PPP2R5E: variants seen among roughly 807,000 people sequenced by gnomAD.
The protein encoded by PPP2R5E is protein phosphatase 2 regulatory subunit B'epsilon, also known as serine/threonine-protein phosphatase 2A 56 kDa regulatory subunit epsilon isoform.
Under a neutral mutation model 65.3 loss-of-function variants are expected in PPP2R5E, and 4 were observed. That is an observed-to-expected ratio of 0.06 (90% CI 0.03 to 0.14). PPP2R5E has a LOEUF of 0.14. Ranked by LOEUF, PPP2R5E falls within the 10% of genes least tolerant of loss-of-function variation. The pLI is 1.00. For synonymous variants in PPP2R5E, 183 were observed against 187.4 expected (o/e 0.98, Z 0.19); for missense variants, 274 against 556.1 (o/e 0.49, Z 5.10).
chr14:63,484,388 A>ACACACACACACAC (rs1566736534), intron 2 of PPP2R5E, among the ~76,000 whole-genome samples: 6 of 124,522 alleles, frequency 4.8e-5, no homozygotes, highest in African/African-American at 1.8e-4. Flanking sequence ...CACACACACA[A>ACACACACACACAC]AGAATCGTAT....
chr14:63,396,166 T>G (rs1594826140), intron 6 of PPP2R5E, among the ~76,000 whole-genome samples: 4 of 43,972 alleles, frequency 9.1e-5, no homozygotes, highest in East Asian at 7.2e-4. Flanking sequence ...GGACAGGGGA[T>G]AGAGGAGGAG....
intron 2 of PPP2R5E, among the ~76,000 whole-genome samples, chr14:63,477,042 AT>A (rs1890446287): frequency 2.0e-5 from 3 of 152,204 alleles, no homozygotes; most frequent in African/African-American, 7.2e-5. Flanking sequence ...CACACCTCCC[AT>A]TTAATTAGTG....
chr14:63,403,711 CAG>C (rs1885901282), intron 5 of PPP2R5E, among the ~76,000 whole-genome samples: 1 of 150,122 alleles, frequency 6.7e-6, no homozygotes, highest in Non-Finnish European at 1.5e-5. Context: ...TGGTTACTCT[CAG>C]AGAATTAAAG....
chr14:63,488,595 T>G (rs1358493518), intron 2 of PPP2R5E, among the ~76,000 whole-genome samples: 2 of 152,118 alleles, frequency 1.3e-5, no homozygotes. Flanking sequence ...ATGCCTGTAA[T>G]CCCAGCACTT....
chr14:63,391,891 A>G (rs1885043230), intron 9 of PPP2R5E, 24 bp from the exon 10 acceptor site: 1 of 1,612,096 alleles, frequency 6.2e-7, no homozygotes, highest in Non-Finnish European at 8.5e-7. Flanking sequence ...GAGAAAAACA[A>G]ATGGCATTTA....
chr14:63,519,202 G>A (rs1022927785), intron 2 of PPP2R5E, among the ~76,000 whole-genome samples: 14 of 151,938 alleles, frequency 9.2e-5, no homozygotes, highest in African/African-American at 2.9e-4. Context: ...CAACAAGAGC[G>A]AGACTCCGTC....
At chr14:63,505,309 C>T (rs1424629512) in intron 2 of PPP2R5E, among the ~76,000 whole-genome samples, 1 of 149,160 alleles carries the variant, frequency 6.7e-6, no homozygotes, top group African/African-American at 2.6e-5. Context: ...ATACTAAGAC[C>T]ATCTAATCTG....
chr14:63,434,854 A>T (rs75335770), intron 3 of PPP2R5E, among the ~76,000 whole-genome samples: 7,594 of 152,236 alleles, frequency 0.05, 249 homozygotes, highest in East Asian at 0.1. Context: ...ATTACTTCAA[A>T]ATGTCTCTTT....
At chr14:63,492,704 T>C (rs1174014468) in intron 2 of PPP2R5E, among the ~76,000 whole-genome samples, 1 of 152,192 alleles carries the variant, frequency 6.6e-6, no homozygotes, top group Admixed American at 6.5e-5. Context: ...AGGTTCTCCT[T>C]GATCATCAAG....
intron 4 of PPP2R5E, among the ~76,000 whole-genome samples, chr14:63,417,106 A>G (rs1350798696): frequency 6.6e-6 from 1 of 152,192 alleles, no homozygotes; most frequent in Non-Finnish European, 1.5e-5. Flanking sequence ...CTTTGAATGG[A>G]TCTTTATCCA....
At chr14:63,434,883 A>G (rs1362126413) in intron 3 of PPP2R5E, among the ~76,000 whole-genome samples, 1 of 152,224 alleles carries the variant, frequency 6.6e-6, no homozygotes, top group Non-Finnish European at 1.5e-5. Context: ...TGATGGTATT[A>G]CTTTTAATAG....
At chr14:63,406,118 C>T (rs946521970) in intron 5 of PPP2R5E, among the ~76,000 whole-genome samples, 1 of 152,180 alleles carries the variant, frequency 6.6e-6, no homozygotes, top group South Asian at 2.1e-4. Context: ...GAATGAAAAA[C>T]GACAGACTGT....
At chr14:63,425,739 A>G (rs932656896) in intron 3 of PPP2R5E, among the ~76,000 whole-genome samples, 1 of 152,250 alleles carries the variant, frequency 6.6e-6, no homozygotes, top group Non-Finnish European at 1.5e-5. Context: ...AGAAGTTTGG[A>G]TATATTAATA....
chr14:63,454,792 T>A (rs1442441108), intron 2 of PPP2R5E, among the ~76,000 whole-genome samples: 2 of 152,216 alleles, frequency 1.3e-5, no homozygotes, highest in Non-Finnish European at 1.5e-5. Context: ...GGAGCTTCCC[T>A]GGAGAAGCAA....
At chr14:63,382,878 T>C (rs1884448132) in intron 12 of PPP2R5E, among the ~76,000 whole-genome samples, 1 of 152,134 alleles carries the variant, frequency 6.6e-6, no homozygotes, top group African/African-American at 2.4e-5. Context: ...AACACATAAT[T>C]CATCAAAATC....
intron 2 of PPP2R5E, among the ~76,000 whole-genome samples, chr14:63,481,249 C>A (rs1392741303): frequency 6.6e-6 from 1 of 152,078 alleles, no homozygotes; most frequent in Admixed American, 6.6e-5. Context: ...GTAATCCCAA[C>A]ACTTTGGGAG....
Position 63,493,471 on chromosome 14 carries a change from T to A in PPP2R5E, c.158-39586A>T, listed in dbSNP as rs539472082. On this transcript the variant is annotated intron_variant, in intron 2 of 13. Coordinates refer to ENST00000337537, the MANE Select transcript of PPP2R5E (RefSeq NM_006246.5). ...CCAGGTCTCTCCAGACATTGCCAAA[T>A]TACCGCGCGCGCGTGTGTGTGTGCG... is the stretch of plus-strand genomic sequence containing the variant. Among the ~76,000 whole-genome samples the A allele has an allele frequency of 5.9e-5, 8 of 134,530 alleles. No individual in the cohort carries two copies. In the South Asian group the frequency reaches 1.9e-3, roughly 31 times the overall value. 88.3% of individuals were successfully genotyped at this position (134,530 alleles called of 152,430 possible). A position where few individuals can be genotyped will look rare whatever the true frequency, so the allele number is the denominator to read the frequency against.
chr14:63,540,430 CAAAAAAA>C (rs202037803), intron 1 of PPP2R5E, among the ~76,000 whole-genome samples: 34 of 74,652 alleles, frequency 4.6e-4, no homozygotes, highest in African/African-American at 1.3e-3. Context: ...GAGTCCATCT[CAAAAAAA>C]AAAAAAAAAA....
chr14:63,529,535 T>C (rs1470370096), intron 2 of PPP2R5E, among the ~76,000 whole-genome samples: 2 of 151,696 alleles, frequency 1.3e-5, no homozygotes, highest in Admixed American at 1.3e-4. Flanking sequence ...TAGTTTTTTT[T>C]TGTTGTTTTT....
Sources: allele counts gnomAD v4.1 joint callset (sites outside exome capture counted in the v4.1 genomes callset), GRCh38; gene constraint gnomAD v4.1.1; transcripts MANE v1.5; gene names NCBI Gene and HGNC (gene_info 2026-07-23, HGNC 2026-07-21).